DDX50: variants seen among roughly 807,000 people sequenced by gnomAD.
DDX50 encodes the protein ATP-dependent RNA helicase DDX50.
Under a neutral mutation model 94.8 loss-of-function variants are expected in DDX50, and 56 were observed. That is an observed-to-expected ratio of 0.59 (90% CI 0.48 to 0.74). DDX50 has a LOEUF of 0.74. Ranked by LOEUF, DDX50 falls within the 30% of genes least tolerant of loss-of-function variation. DDX50 has a pLI of 0.00. For synonymous variants in DDX50, 264 were observed against 295.4 expected (o/e 0.89, Z 1.09); for missense variants, 713 against 881.2 (o/e 0.81, Z 2.42).
chr10:68,903,087 A>C (rs1372404567), intron 1 of DDX50, among the ~76,000 whole-genome samples: 1 of 152,226 alleles, frequency 6.6e-6, no homozygotes, highest in African/African-American at 2.4e-5. Context: ...TGGAATACCA[A>C]CTAAAAGAAA....
At chr10:68,901,534 G>A (rs1046729527) in intron 1 of DDX50, 63 bp downstream of exon 1, 2 of 1,499,744 alleles carry the variant, frequency 1.3e-6, no homozygotes, top group South Asian at 1.2e-5. Context: ...GAGGGGAACT[G>A]TCTGTCCCTG....
At chr10:68,926,189 AT>A (rs1395011923) in intron 8 of DDX50, among the ~76,000 whole-genome samples, 15 of 2,794 alleles carry the variant, frequency 5.4e-3, no homozygotes, top group African/African-American at 5.5e-3. Flanking sequence ...AAAAACATAA[AT>A]AAAATAAAAT....
rs372281464 is a variant in DDX50, at chr10:68,929,294, T to TTCCTTCCTTCCTTCCTTC, written c.1240-4905_1240-4904insTCCTTCCTTCCTTCCTTC. On this transcript the variant is annotated intron_variant, in intron 8 of 14. Coordinates refer to ENST00000373585, the MANE Select transcript of DDX50 (RefSeq NM_024045.2). ...CTTCCTTCCTTCCTTCCTTCCTTCC[T>TTCCTTCCTTCCTTCCTTC]CTCTCTCTCTCTCTCTCTCTTTCTT... 8.4e-3 allele frequency among the ~76,000 whole-genome samples: 913 copies of TTCCTTCCTTCCTTCCTTC among 109,224 alleles called. 5 individuals are homozygous for TTCCTTCCTTCCTTCCTTC. Among genetic ancestry groups the TTCCTTCCTTCCTTCCTTC allele is most frequent in the Admixed American group, 0.018 (194 of 10,564 alleles). 71.7% of individuals were successfully genotyped at this position (109,224 alleles called of 152,430 possible).
At chr10:68,937,890 T>A (rs941411999) in intron 12 of DDX50, among the ~76,000 whole-genome samples, 4 of 151,964 alleles carry the variant, frequency 2.6e-5, no homozygotes, top group Non-Finnish European at 2.9e-5. Flanking sequence ...CCGGCCTGTA[T>A]TTTTTTTCTA....
rs1198493432 is a variant in DDX50, at chr10:68,934,324, T to G, written c.1365T>G (p.Pro455=). The G allele has an allele frequency of 6.2e-7, 1 of 1,613,894 alleles. No homozygotes were observed. Among genetic ancestry groups the G allele is most frequent in the Non-Finnish European group, 8.5e-7 (1 of 1,179,864 alleles). The change falls in exon 9 of 15, where the codon CCT becomes CCG. Residue 455 remains proline (P), a synonymous_variant. Transcript: ENST00000373585. The surrounding 1 kb of genome is among the most constrained non-coding windows in gnomAD (Gnocchi z 4.0). ...TNVAARGLDI[P]EVDLVIQSSP... is the part of the protein sequence containing the mutation. ...TGGCTGCCCGTGGTTTGGACATTCC[T>G]GAAGTTGACCTGGTGATTCAAAGTT...
In DDX50 at chr10:68,901,404, G is replaced by T. The variant is rs530795940; in HGVS notation, c.20G>T (p.Trp7Leu). 5.7e-6 allele frequency: 9 copies of T among 1,566,796 alleles called. No individual in the cohort carries two copies. Among genetic ancestry groups the T allele is most frequent in the Non-Finnish European group, 3.5e-6 (4 of 1,156,468 alleles). Reference sequence around the variant, plus strand: ...CCAGTAATGCCTGGGAAACTCCTCTGGGGGGACATTATGGAGCTGGAAGCA... The same window carrying T: ...CCAGTAATGCCTGGGAAACTCCTCTTGGGGGACATTATGGAGCTGGAAGCA... MPGKLL[W>L]GDIMELEAPL... is the part of the protein sequence containing the mutation. The change falls in exon 1 of 15, where the codon TGG becomes TTG. Residue 7 changes from tryptophan to leucine, a missense_variant. Transcript: ENST00000373585.
chr10:68,938,984 T>C (rs1454067453), intron 12 of DDX50, among the ~76,000 whole-genome samples: 1 of 152,224 alleles, frequency 6.6e-6, no homozygotes, highest in Non-Finnish European at 1.5e-5. Flanking sequence ...CATTTAACTT[T>C]TGCCTTTATC....
At chr10:68,911,324 T>C in intron 4 of DDX50, 78 bp downstream of exon 4, 5 of 1,397,472 alleles carry the variant, frequency 3.6e-6, no homozygotes, top group Non-Finnish European at 4.7e-6. Flanking sequence ...TCCTAAGTTC[T>C]AGTACCCCCA....
In DDX50 at chr10:68,937,059, A is replaced by G; in HGVS notation, c.1719A>G (p.Ser573=). 1 of 1,613,274 alleles carries G rather than the reference A, an allele frequency of 6.2e-7. No homozygotes were observed. Among genetic ancestry groups the G allele is most frequent in the South Asian group, 1.1e-5 (1 of 91,006 alleles). The change falls in exon 12 of 15, where the codon TCA becomes TCG. Residue 573 remains serine, a synonymous_variant. Transcript: ENST00000373585. Reference sequence around the variant, plus strand: ...CTTTAGCCCACATTTCTGGTGCATCAAGCTTTGAACCACGATCTTTGATCA... The same window carrying G: ...CTTTAGCCCACATTTCTGGTGCATCGAGCTTTGAACCACGATCTTTGATCA... ...AAALAHISGA[S]SFEPRSLITS...
chr10:68,923,161 A>G (rs1429813761), intron 8 of DDX50, among the ~76,000 whole-genome samples: 1 of 146,564 alleles, frequency 6.8e-6, no homozygotes, highest in Non-Finnish European at 1.5e-5. Context: ...ATATATACAT[A>G]TAAAACTTTA....
intron 7 of DDX50, among the ~76,000 whole-genome samples, chr10:68,915,002 CAG>C (rs915392104): frequency 7.6e-6 from 1 of 131,910 alleles, no homozygotes; most frequent in Non-Finnish European, 1.6e-5. Flanking sequence ...GCCTGGGTGA[CAG>C]AGGGAGACCC....
Position 68,906,931 on chromosome 10 carries a change from A to C in DDX50, c.308A>C (p.Glu103Ala), listed in dbSNP as rs1222447876. The change falls in exon 2 of 15, where the codon GAA (glutamate) becomes GCA (alanine). Residue 103 changes from glutamate to alanine, a missense_variant. Around this residue, in one of 2 missense-constraint regions of DDX50, gnomAD observed 285 missense variants for 278.9 expected, o/e 1.02. Transcript: ENST00000373585. ...GATCTACCAAATGGAGATATAGATG[A>C]ATATGAAAAAAAATCAAAGCGAGTA... ...RKDLPNGDID[E>A]YEKKSKRVSS... is the part of the protein sequence containing the mutation. 6.2e-6 allele frequency: 10 copies of C among 1,601,076 alleles called. No homozygotes were observed. Among genetic ancestry groups the C allele is most frequent in the Non-Finnish European group, 8.5e-6 (10 of 1,177,166 alleles).
At chr10:68,925,095 G>GTTTTTTTTTTTTTTTTTTTTTTTTTTTTT (rs1239190321) in intron 8 of DDX50, among the ~76,000 whole-genome samples, 1 of 28,562 alleles carries the variant, frequency 3.5e-5, no homozygotes, top group African/African-American at 1.1e-4. Flanking sequence ...CCTGCTCATG[G>GTTTTTTTTTTTTTTTTTTTTTTTTTTTTT]TTTTTTTTTT....
chr10:68,910,923 G>T, intron 3 of DDX50, 145 bp from the exon 4 acceptor site: 1 of 533,842 alleles, frequency 1.9e-6, no homozygotes, highest in South Asian at 6.5e-5. Context: ...TTTTAGTAAT[G>T]CTTGTTTGTG....
rs138745366 is a variant in DDX50 at position 68,930,518 on chromosome 10, C to T, written c.1240-3681C>T. On this transcript the variant is annotated intron_variant, in intron 8 of 14. Coordinates refer to ENST00000373585, the MANE Select transcript of DDX50 (RefSeq NM_024045.2). ...ATCATTTCTACTCCCTTGAGTATGT[C>T]CTTCCAATTTCATCAACTAATAGTT... is the stretch of plus-strand genomic sequence containing the variant. Among the ~76,000 whole-genome samples, 465 of 152,050 alleles carry T rather than the reference C, an allele frequency of 3.1e-3. 3 individuals carry two copies. Among genetic ancestry groups the T allele is most frequent in the African/African-American group, 0.011 (440 of 41,454 alleles).
In DDX50 at chr10:68,901,444, C is replaced by G; in HGVS notation, c.60C>G (p.Ser20=). ...IMELEAPLEE[S]ESQKKERQKS... The stretch of plus-strand genomic sequence containing the variant: ...AGCTGGAAGCACCCTTGGAGGAGTC[C>G]GAGAGCCAGAAGAAGGAGAGGCAAA... The change falls in exon 1 of 15, where the codon TCC becomes TCG. Residue 20 remains serine (S), a synonymous_variant. Coordinates refer to ENST00000373585, the MANE Select transcript of DDX50 (RefSeq NM_024045.2). The G allele has an allele frequency of 6.3e-7, 1 of 1,574,908 alleles. No homozygotes were observed. Among genetic ancestry groups the G allele is most frequent in the South Asian group, 1.2e-5 (1 of 85,666 alleles).
chr10:68,944,735 C>T (rs1300959935), intron 14 of DDX50, among the ~76,000 whole-genome samples: 2 of 151,998 alleles, frequency 1.3e-5, no homozygotes, highest in African/African-American at 2.4e-5. Flanking sequence ...TTAGTAGAGA[C>T]GGGGTTTCAC....
Position 68,919,745 on chromosome 10 carries a change from T to G in DDX50, c.1090-87T>G, listed in dbSNP as rs1841894202. 5 of 1,530,754 alleles carry G rather than the reference T, an allele frequency of 3.3e-6. No individual in the cohort carries two copies. In the East Asian group the frequency reaches 1.2e-4, roughly 37 times the overall value. The allele number at this position is 1,530,754 out of a possible 1,614,324, so 94.8% of individuals were successfully genotyped here. A position where few individuals can be genotyped will look rare whatever the true frequency, so the allele number is the denominator to read the frequency against. On this transcript the variant is annotated intron_variant, in intron 7 of 14. Transcript: ENST00000373585. ...CTTACAGTCTCCCAGGAAGGCTAAT[T>G]CTTGACCAGATAGAAAAAATACACA...
Position 68,923,629 on chromosome 10 carries a change from C to T in DDX50, c.1239+3648C>T, listed in dbSNP as rs952812204. Among the ~76,000 whole-genome samples, 3 of 151,580 alleles carry T rather than the reference C, an allele frequency of 2.0e-5. No individual in the cohort carries two copies. The South Asian group carries it at 6.3e-4, about 32-fold the overall frequency. The stretch of plus-strand genomic sequence containing the variant: ...AAGATCCCGGCTCACTGCAACCCTC[C>T]GCCTCTTAGGTTCAAGCGATTCTTA... On this transcript the variant is annotated intron_variant, in intron 8 of 14. Coordinates refer to ENST00000373585, the MANE Select transcript of DDX50 (RefSeq NM_024045.2).
Sources: gnomAD v4.1 joint callset for allele counts (sites outside exome capture counted in the v4.1 genomes callset) on GRCh38, gnomAD v4.1.1 for gene constraint, gnomAD v4.1.1 regional missense constraint, Gnocchi (gnomAD v3.1) non-coding constraint, MANE v1.5 for transcripts, NCBI Gene and HGNC (gene_info 2026-07-23, HGNC 2026-07-21) for gene names.